RIPOR2: variants seen among roughly 807,000 people sequenced by gnomAD.
RIPOR2 encodes the protein RHO family interacting cell polarization regulator 2.
A neutral mutation model predicts 114.5 loss-of-function variants in RIPOR2; 39 were observed. That is an observed-to-expected ratio of 0.34 (90% CI 0.26 to 0.44). The LOEUF (loss-of-function observed/expected upper bound fraction) is 0.44, where lower values mean the gene tolerates loss of function less well. RIPOR2 is among the 20% of genes least tolerant of loss of function. The pLI, the probability that RIPOR2 is intolerant of heterozygous loss-of-function variation, is 1.00. For missense variants in RIPOR2, 1,007 were observed against 1,255.1 expected, an observed-to-expected ratio of 0.80 and a Z score of 2.99; for synonymous variants, 445 against 484.4, an observed-to-expected ratio of 0.92 and a Z score of 1.07.
chr6:24,850,130 T>C (rs372887089), intron 10 of RIPOR2, among the ~76,000 whole-genome samples, 180 bp from the exon 11 acceptor site: 4 of 148,120 alleles, frequency 2.7e-5, no homozygotes, highest in African/African-American at 1.0e-4. Flanking sequence ...AGGGTCTCTC[T>C]CTGTCACCCA....
At chr6:24,977,882 A>T (rs1295198934) in intron 1 of RIPOR2, among the ~76,000 whole-genome samples, 2 of 152,188 alleles carry the variant, frequency 1.3e-5, no homozygotes, top group Non-Finnish European at 2.9e-5. Context: ...CTGTGATATC[A>T]GCAAAGGATT....
At chr6:24,936,123 T>G (rs985080237), upstream of RIPOR2, 40 of 493,572 alleles carry the variant, frequency 8.1e-5, no homozygotes, top group Non-Finnish European at 1.3e-4. Context: ...GGAGAAAGAA[T>G]TTTTTGAAGA....
At chr6:25,021,851 C>T (rs1776338554) in intron 1 of RIPOR2, among the ~76,000 whole-genome samples, 1 of 151,938 alleles carries the variant, frequency 6.6e-6, no homozygotes, top group South Asian at 2.1e-4. Flanking sequence ...GTGGAGGGTC[C>T]CAACATTTAG....
intron 1 of RIPOR2, among the ~76,000 whole-genome samples, chr6:25,035,409 G>A (rs1423775450): frequency 1.3e-5 from 2 of 152,196 alleles, no homozygotes; most frequent in African/African-American, 4.8e-5. Flanking sequence ...CCACTTCAGA[G>A]CAGAGAAGCC....
chr6:24,912,228 C>A (rs1422311660), intron 1 of RIPOR2, among the ~76,000 whole-genome samples: 2 of 152,168 alleles, frequency 1.3e-5, no homozygotes, highest in Non-Finnish European at 2.9e-5. Flanking sequence ...TATAAGCTGT[C>A]CCCAGCACAG....
Position 24,848,135 on chromosome 6 carries a change from T to C in RIPOR2, c.1054A>G (p.Met352Val), listed in dbSNP as rs1366326850. 1 of 1,613,636 alleles carries C rather than the reference T, an allele frequency of 6.2e-7. No homozygotes were observed. Among genetic ancestry groups the C allele is most frequent in the Non-Finnish European group, 8.5e-7 (1 of 1,179,758 alleles). Reference protein sequence around the residue: ...ITWYPFDVEDMTASSGAGNKA... With the variant: ...ITWYPFDVEDVTASSGAGNKA... ...TTCCCAGCGCCTGAGGATGCGGTCA[T>C]GTCCTCCACGTCAAATGGACTGCAA... is the stretch of plus-strand genomic sequence containing the variant. Residue 352 changes from methionine to valine, a missense_variant, in exon 12 of 22, where the codon ATG becomes GTG. Met to Val is a conservative substitution (Grantham distance 21). Transcript: ENST00000643898.
In RIPOR2 at chr6:24,869,328, T is replaced by G. The variant is rs879801337; in HGVS notation, c.448-181A>C. ...AATACCAATTTGGATTTTTTTTTTTTTTTTTTGAGATGAAGTTTCGCTCTT... is the reference window on the plus strand; with the variant it reads ...AATACCAATTTGGATTTTTTTTTTTGTTTTTTGAGATGAAGTTTCGCTCTT... On this transcript the variant is annotated intron_variant, in intron 5 of 21. Coordinates refer to ENST00000643898, the MANE Select transcript of RIPOR2 (RefSeq NM_001286445.3). Among the ~76,000 whole-genome samples, 318 of 151,862 alleles carry G rather than the reference T, an allele frequency of 2.1e-3. 1 individual carries two copies. The highest frequency in any genetic ancestry group is 3.8e-3 in the Non-Finnish European group (260 of 67,922).
intron 1 of RIPOR2, among the ~76,000 whole-genome samples, chr6:25,028,091 T>C (rs1219296494): frequency 6.6e-6 from 1 of 152,218 alleles, no homozygotes; most frequent in African/African-American, 2.4e-5. Context: ...AGCTAGGCAT[T>C]CTGTAGAGAT....
At chr6:24,857,909 C>T (rs1269196688) in intron 8 of RIPOR2, among the ~76,000 whole-genome samples, 6 of 152,180 alleles carry the variant, frequency 3.9e-5, no homozygotes, top group Non-Finnish European at 5.9e-5. Flanking sequence ...ATAGTCAGGA[C>T]CCAACTAATT....
At chr6:24,934,536 C>T (rs1771626292) in intron 1 of RIPOR2, among the ~76,000 whole-genome samples, 1 of 152,302 alleles carries the variant, frequency 6.6e-6, no homozygotes, top group Non-Finnish European at 1.5e-5. Flanking sequence ...ACAAGGGGTT[C>T]TTTGCGACAC....
At chr6:25,022,671 T>C (rs1472552802) in intron 1 of RIPOR2, among the ~76,000 whole-genome samples, 1 of 149,590 alleles carries the variant, frequency 6.7e-6, no homozygotes, top group Non-Finnish European at 1.5e-5. Context: ...CTCAGCCTCC[T>C]GAGTAGCTAG....
At chr6:24,979,545 CTT>C (rs1255256540) in intron 1 of RIPOR2, among the ~76,000 whole-genome samples, 2 of 152,118 alleles carry the variant, frequency 1.3e-5, no homozygotes, top group Non-Finnish European at 2.9e-5. Flanking sequence ...TTAAAAAAGA[CTT>C]TTGCAGAATT....
At chr6:24,830,996 G>A (rs570542579) in intron 16 of RIPOR2, among the ~76,000 whole-genome samples, 1 of 152,098 alleles carries the variant, frequency 6.6e-6, no homozygotes, top group South Asian at 2.1e-4. Flanking sequence ...GATTATAAGC[G>A]TGAGCCACCA....
At chr6:24,895,199 C>T (rs779761840) in intron 1 of RIPOR2, among the ~76,000 whole-genome samples, 1 of 152,122 alleles carries the variant, frequency 6.6e-6, no homozygotes, top group Non-Finnish European at 1.5e-5. Flanking sequence ...ATTACAGGCA[C>T]ACCCCACCAT....
intron 1 of RIPOR2, among the ~76,000 whole-genome samples, chr6:24,954,638 A>G (rs2114208773): frequency 6.6e-6 from 1 of 151,702 alleles, no homozygotes; most frequent in African/African-American, 2.4e-5. Flanking sequence ...TGTAGAGACA[A>G]TATCTCACTA....
Position 24,848,123 on chromosome 6 carries a change from A to G in RIPOR2, c.1066T>C (p.Ser356Pro). The G allele has an allele frequency of 6.2e-7, 1 of 1,613,792 alleles. No homozygotes were observed. The highest frequency in any genetic ancestry group is 8.5e-7 in the Non-Finnish European group (1 of 1,179,806). ...GCTGCTGCCTTGTTCCCAGCGCCTG[A>G]GGATGCGGTCATGTCCTCCACGTCA... ...PFDVEDMTAS[S>P]GAGNKAAALQ... The change falls in exon 12 of 22, where the codon TCA becomes CCA. Residue 356 changes from serine to proline, a missense_variant. Transcript: ENST00000643898.
chr6:24,949,139 C>T (rs763657104), intron 1 of RIPOR2, among the ~76,000 whole-genome samples: 1 of 152,154 alleles, frequency 6.6e-6, no homozygotes. Flanking sequence ...CGCCACCCAT[C>T]CTCTCTGAGA....
At chr6:25,024,620 T>A (rs1432391402) in intron 1 of RIPOR2, 7 of 449,900 alleles carry the variant, frequency 1.6e-5, no homozygotes, top group Non-Finnish European at 8.3e-6. Context: ...GTTAAAGGTT[T>A]CCAGTTCTGT....
At chr6:24,916,949 G>A (rs1581792813) in intron 1 of RIPOR2, among the ~76,000 whole-genome samples, 1 of 151,286 alleles carries the variant, frequency 6.6e-6, no homozygotes, top group Non-Finnish European at 1.5e-5. Context: ...AGGCTGCATA[G>A]GTAGACAACA....
Sources: gnomAD v4.1 joint callset for allele counts (sites outside exome capture counted in the v4.1 genomes callset) on GRCh38, gnomAD v4.1.1 for gene constraint, MANE v1.5 for transcripts, NCBI Gene and HGNC (gene_info 2026-07-23, HGNC 2026-07-21) for gene names.